Variants in TBC1D7 observed in about 807,000 individuals in gnomAD.
The protein encoded by TBC1D7 is TBC domain family 7.
TBC1D7 carries 33 observed loss-of-function variants against 35.3 expected under a neutral mutation model. The observed-to-expected ratio is 0.93, with a 90% CI of 0.71 to 1.25. The LOEUF (loss-of-function observed/expected upper bound fraction) is 1.25. TBC1D7 is among the 50% of genes most tolerant of loss of function. The probability of loss-of-function intolerance (pLI) is 0.00; values close to 1 mark genes in which losing one functional copy is unlikely to be tolerated. For synonymous variants in TBC1D7, 135 were observed against 129.5 expected (o/e 1.04, Z -0.29); for missense variants, 362 against 365.3 (o/e 0.99, Z 0.07).
chr6:13,314,076 G>C (rs1166310591), intron 5 of TBC1D7, among the ~76,000 whole-genome samples: 2 of 152,198 alleles, frequency 1.3e-5, no homozygotes, highest in Admixed American at 6.5e-5. Context: ...AAATTAGCTG[G>C]GCGTGGTGGC....
At position 13,305,699 on chromosome 6, in the gene TBC1D7, G is replaced by C. The variant is rs116202095; in HGVS notation, c.796-512C>G. On this transcript the variant is annotated intron_variant, in intron 7 of 7. Coordinates refer to ENST00000379300, the MANE Select transcript of TBC1D7 (RefSeq NM_016495.6). Reference sequence around the variant, plus strand: ...TTCTGTGAAAATCATTCAGGCATAAGTCTCTTTAATCCTACTTCTTGCCTG... The same window carrying C: ...TTCTGTGAAAATCATTCAGGCATAACTCTCTTTAATCCTACTTCTTGCCTG... 2.8e-5 allele frequency: 5 copies of C among 177,504 alleles called. No individual in the cohort carries two copies. In the South Asian group the frequency reaches 5.1e-4, roughly 18 times the overall value. 11.0% of individuals were successfully genotyped at this position (177,504 alleles called of 1,614,324 possible). A position where few individuals can be genotyped will look rare whatever the true frequency, so the allele number is the denominator to read the frequency against.
chr6:13,324,375 G>A (rs142469188), intron 3 of TBC1D7, among the ~76,000 whole-genome samples: 2,982 of 152,160 alleles, frequency 0.02, 90 homozygotes, highest in African/African-American at 0.067. Context: ...TGATCTGCCC[G>A]CCTTGGCCTC....
At chr6:13,308,080 C>T (rs1476553468) in intron 5 of TBC1D7, among the ~76,000 whole-genome samples, 2 of 152,174 alleles carry the variant, frequency 1.3e-5, no homozygotes, top group Non-Finnish European at 2.9e-5. Context: ...AAGCAAAATT[C>T]AGTTGTTCTG....
chr6:13,316,752 G>C (rs760187576), intron 4 of TBC1D7, 44 bp from the exon 5 acceptor site: 1 of 1,601,812 alleles, frequency 6.2e-7, no homozygotes, highest in East Asian at 2.2e-5. Context: ...CAGTGAAAGA[G>C]AGGAATACAT....
intron 5 of TBC1D7, among the ~76,000 whole-genome samples, chr6:13,315,054 A>T (rs1783507933): frequency 6.6e-6 from 1 of 152,138 alleles, no homozygotes; most frequent in Non-Finnish European, 1.5e-5. Flanking sequence ...CTGTTTTAGT[A>T]GGAGATCACA....
intron 5 of TBC1D7, among the ~76,000 whole-genome samples, chr6:13,314,502 A>C (rs1386054578): frequency 6.6e-6 from 1 of 152,222 alleles, no homozygotes; most frequent in Non-Finnish European, 1.5e-5. Flanking sequence ...AGAAAAGCTA[A>C]TTAGATCATG....
chr6:13,312,593 G>C (rs1398339408), intron 5 of TBC1D7, among the ~76,000 whole-genome samples: 6 of 151,570 alleles, frequency 4.0e-5, no homozygotes, highest in Non-Finnish European at 7.4e-5. Context: ...TCAGGAGGCT[G>C]AGGCAGAAGA....
In TBC1D7 at chr6:13,316,694, T is replaced by G; in HGVS notation, c.396A>C (p.Glu132Asp). 6.2e-7 allele frequency: 1 copy of G among 1,614,032 alleles called. No individual in the cohort carries two copies. Among genetic ancestry groups the G allele is most frequent in the African/African-American group, 1.3e-5 (1 of 75,054 alleles). ...TGGCTTTAGCTATGGCAAGAAACACTTCATCATCTGGCTCCTGAAAGATTA... is the reference window on the plus strand; with the variant it reads ...TGGCTTTAGCTATGGCAAGAAACACGTCATCATCTGGCTCCTGAAAGATTA... ...SPSFPLEPDD[E>D]VFLAIAKAME... Residue 132 changes from glutamate (E) to aspartate (D), a missense_variant, in exon 5 of 8, where the codon GAA (glutamate) becomes GAC (aspartate). By Grantham distance (45) the Glu-to-Asp change is conservative. Coordinates refer to ENST00000379300, the MANE Select transcript of TBC1D7 (RefSeq NM_016495.6).
At chr6:13,321,760 C>T (rs1385237479) in intron 3 of TBC1D7, among the ~76,000 whole-genome samples, 1 of 152,178 alleles carries the variant, frequency 6.6e-6, no homozygotes, top group Non-Finnish European at 1.5e-5. Flanking sequence ...AATACTAGGA[C>T]TCTGAAATGT....
intron 6 of TBC1D7, 79 bp from the exon 7 acceptor site, chr6:13,306,606 A>C (rs1172081382): frequency 2.6e-6 from 3 of 1,173,598 alleles, no homozygotes; most frequent in African/African-American, 3.2e-5. Flanking sequence ...ATTACAAAAT[A>C]AAATCAAATT....
chr6:13,326,752 G>A, intron 2 of TBC1D7, 35 bp downstream of exon 2: 3 of 1,358,926 alleles, frequency 2.2e-6, no homozygotes, highest in South Asian at 1.2e-5. Context: ...TGGAGTGATT[G>A]AGAACCAATG....
intron 6 of TBC1D7, chr6:13,307,264 T>A (rs1782872701): frequency 1.5e-5 from 3 of 200,888 alleles, no homozygotes; most frequent in Admixed American, 1.1e-4. Context: ...TTCAGCTTCT[T>A]TAAAGATATC....
At chr6:13,306,014 G>A (rs1001438666) in intron 7 of TBC1D7, 1 of 178,900 alleles carries the variant, frequency 5.6e-6, no homozygotes, top group East Asian at 1.8e-4. Context: ...ACACATTCAC[G>A]AGATGGTCTC....
At chr6:13,314,604 C>G (rs1783470489) in intron 5 of TBC1D7, among the ~76,000 whole-genome samples, 1 of 152,134 alleles carries the variant, frequency 6.6e-6, no homozygotes, top group African/African-American at 2.4e-5. Flanking sequence ...TTATTGAAAT[C>G]AACAAAGTGG....
intron 5 of TBC1D7, among the ~76,000 whole-genome samples, chr6:13,308,272 T>C: frequency 6.6e-6 from 1 of 152,236 alleles, no homozygotes; most frequent in East Asian, 1.9e-4. Flanking sequence ...GACCAGTCAC[T>C]GACCATACAT....
intron 7 of TBC1D7, 85 bp from the exon 8 acceptor site, chr6:13,305,272 C>G: frequency 1.6e-6 from 2 of 1,285,784 alleles, no homozygotes; most frequent in Non-Finnish European, 1.1e-6. Context: ...ATGAAATCCA[C>G]TTCCATGGGA....
In TBC1D7 at chr6:13,320,896, G is replaced by C. The variant is rs1290856839; in HGVS notation, c.381+12C>G. 7.4e-6 allele frequency: 12 copies of C among 1,612,464 alleles called. No homozygotes were observed. The highest frequency in any genetic ancestry group is 1.6e-4 in the Middle Eastern group (1 of 6,082). On this transcript the variant is annotated intron_variant, in intron 4 of 7. Coordinates refer to ENST00000379300, the MANE Select transcript of TBC1D7 (RefSeq NM_016495.6). Reference sequence around the variant, plus strand: ...GAGTTGAGCTTAGTGTCAGACAAAAGTGACCACTAACCAGTGGAAAAGAGG... The same window carrying C: ...GAGTTGAGCTTAGTGTCAGACAAAACTGACCACTAACCAGTGGAAAAGAGG...
At chr6:13,327,349 AAACTT>A (rs1784467824) in intron 1 of TBC1D7, among the ~76,000 whole-genome samples, 1 of 152,240 alleles carries the variant, frequency 6.6e-6, no homozygotes. Context: ...ATGTATTTTA[AAACTT>A]AACACTCTAT....
In TBC1D7 at chr6:13,307,457, T is replaced by C. The variant is rs537293657; in HGVS notation, c.665+143A>G. ...TTCAAGAATAAGCAGAATCATGTGC[T>C]GTTACGGTAGCTGCTGGAGGACTGA... On this transcript the variant is annotated intron_variant, in intron 6 of 7. Transcript: ENST00000379300. 5.1e-6 allele frequency: 4 copies of C among 776,962 alleles called. No individual in the cohort carries two copies. The East Asian group carries it at 9.9e-5, about 19-fold the overall frequency. The allele number at this position is 776,962 out of a possible 1,614,324, so 48.1% of individuals were successfully genotyped here. A position where few individuals can be genotyped will look rare whatever the true frequency, so the allele number is the denominator to read the frequency against.
Sources: allele counts gnomAD v4.1 joint callset (sites outside exome capture counted in the v4.1 genomes callset), GRCh38; gene constraint gnomAD v4.1.1; transcripts MANE v1.5; gene names NCBI Gene and HGNC (gene_info 2026-07-23, HGNC 2026-07-21).